Variants in C8orf74 observed in about 807,000 individuals in gnomAD.
C8orf74 encodes the protein uncharacterized protein C8orf74.
Under a neutral mutation model 22.2 loss-of-function variants are expected in C8orf74, and 29 were observed. The ratio of observed to expected loss-of-function variants is 1.31; its 90% CI spans 0.97 to 1.78. The LOEUF (loss-of-function observed/expected upper bound fraction) is 1.78. C8orf74 is among the 40% of genes most tolerant of loss of function. The pLI is 0.00. For synonymous variants in C8orf74, 255 were observed against 163.1 expected, an observed-to-expected ratio of 1.56 and a Z score of -4.30; for missense variants, 515 against 369.9, an observed-to-expected ratio of 1.39 and a Z score of -3.22.
intron 3 of C8orf74, among the ~76,000 whole-genome samples, chr8:10,699,526 G>A: frequency 6.6e-6 from 1 of 152,242 alleles, no homozygotes. Flanking sequence ...TATGCTGTGT[G>A]GTTGCTCGGG....
intron 1 of C8orf74, 77 bp downstream of exon 1, chr8:10,672,790 G>T: frequency 1.5e-6 from 2 of 1,357,344 alleles, no homozygotes; most frequent in Non-Finnish European, 2.1e-6. Flanking sequence ...CACTGGAAGC[G>T]CCTCTTCAGG....
intron 2 of C8orf74, among the ~76,000 whole-genome samples, chr8:10,683,711 G>C (rs1799200463): frequency 6.6e-6 from 1 of 152,170 alleles, no homozygotes; most frequent in Non-Finnish European, 1.5e-5. Flanking sequence ...GAGTTGAGAG[G>C]AGCCCCAGAG....
intron 2 of C8orf74, chr8:10,675,733 G>C (rs888939656): frequency 7.9e-5 from 12 of 152,200 alleles, no homozygotes; most frequent in African/African-American, 2.4e-4. Flanking sequence ...TTCCAACAAA[G>C]ACTCATGGCC....
intron 1 of C8orf74, among the ~76,000 whole-genome samples, chr8:10,674,094 C>T (rs1382666346): frequency 4.1e-5 from 6 of 146,994 alleles, no homozygotes; most frequent in East Asian, 2.0e-4. Flanking sequence ...CATGTCATAC[C>T]CTGCAACCCC....
At chr8:10,678,228 C>T (rs947662288) in intron 2 of C8orf74, among the ~76,000 whole-genome samples, 14 of 152,198 alleles carry the variant, frequency 9.2e-5, no homozygotes, top group Non-Finnish European at 1.5e-4. Flanking sequence ...CAAGTCTCAT[C>T]CTTCTGAGCC....
chr8:10,683,762 C>A (rs1799201925), intron 2 of C8orf74, among the ~76,000 whole-genome samples: 1 of 152,194 alleles, frequency 6.6e-6, no homozygotes, highest in Non-Finnish European at 1.5e-5. Context: ...ATCCAGGAAT[C>A]CCGTCTTTCC....
chr8:10,680,073 C>T (rs1039185834), intron 2 of C8orf74: 1 of 152,332 alleles, frequency 6.6e-6, no homozygotes, highest in Non-Finnish European at 1.5e-5. Flanking sequence ...AATGAATAAA[C>T]TAATAAATGA....
At chr8:10,699,376 T>A (rs1563166506) in intron 3 of C8orf74, among the ~76,000 whole-genome samples, 1 of 152,230 alleles carries the variant, frequency 6.6e-6, no homozygotes, top group Non-Finnish European at 1.5e-5. Context: ...TCCCCAATAA[T>A]GTTGTTTTCT....
chr8:10,696,924 C>T (rs1253506367), intron 2 of C8orf74, among the ~76,000 whole-genome samples: 3 of 148,084 alleles, frequency 2.0e-5, no homozygotes, highest in Non-Finnish European at 4.4e-5. Flanking sequence ...CTTTGGGAGG[C>T]CACGGTGGGA....
intron 3 of C8orf74, 123 bp downstream of exon 3, chr8:10,698,128 G>A (rs1799572940): frequency 1.0e-6 from 1 of 972,086 alleles, no homozygotes. Context: ...GATGCAGGGA[G>A]GAATCAAGAG....
intron 2 of C8orf74, among the ~76,000 whole-genome samples, chr8:10,678,504 G>C (rs1021292542): frequency 6.6e-6 from 1 of 152,094 alleles, no homozygotes; most frequent in Non-Finnish European, 1.5e-5. Flanking sequence ...CACGTGCCAG[G>C]GCCCTTTCTC....
chr8:10,680,138 G>C (rs1210692912), intron 2 of C8orf74: 1 of 152,258 alleles, frequency 6.6e-6, no homozygotes, highest in East Asian at 1.9e-4. Flanking sequence ...GAGGCGGCGA[G>C]GGGCTGGTCT....
At chr8:10,695,439 C>T (rs114785262) in intron 2 of C8orf74, among the ~76,000 whole-genome samples, 3,202 of 152,182 alleles carry the variant, frequency 0.021, 110 homozygotes, top group African/African-American at 0.069. Flanking sequence ...GCAGTCCCTC[C>T]TTCCCTCCCC....
intron 1 of C8orf74, chr8:10,673,474 A>G (rs1288322689): frequency 6.6e-6 from 1 of 152,130 alleles, no homozygotes; most frequent in African/African-American, 2.4e-5. Context: ...TACCTCACCA[A>G]GCCCCTTCTT....
chr8:10,700,546 C>G lies in C8orf74; in HGVS notation c.*75C>G. 1.1e-6 allele frequency: 1 copy of G among 876,128 alleles called. No individual in the cohort carries two copies. Among genetic ancestry groups the G allele is most frequent in the Non-Finnish European group, 1.7e-6 (1 of 579,504 alleles). The allele number at this position is 876,128 out of a possible 1,614,324, so 54.3% of individuals were successfully genotyped here. The stretch of plus-strand genomic sequence containing the variant: ...CATGAGCCTTGCGGCACGGTGAGCT[C>G]AGCACCCACAGAGAGACTTCTTGTG... On this transcript the variant is annotated 3_prime_UTR_variant, in exon 4 of 4. Coordinates refer to ENST00000304519, the MANE Select transcript of C8orf74 (RefSeq NM_001040032.2).
In C8orf74 at chr8:10,691,022, C is replaced by T. The variant is rs977341881; in HGVS notation, c.242-6577C>T. On this transcript the variant is annotated intron_variant, in intron 2 of 3. Coordinates refer to ENST00000304519, the MANE Select transcript of C8orf74 (RefSeq NM_001040032.2). ...TTCTCCCTGAGACTTAATCCCTCCA[C>T]TTTCTGAGTCACCAGGAACTTCTCA... The T allele has an allele frequency of 5.0e-5, 22 of 437,750 alleles. No homozygotes were observed. The Middle Eastern group carries it at 2.3e-3, about 46-fold the overall frequency. 27.1% of individuals were successfully genotyped at this position (437,750 alleles called of 1,614,324 possible). A position where few individuals can be genotyped will look rare whatever the true frequency, so the allele number is the denominator to read the frequency against.
At chr8:10,687,505 G>C (rs1799285625) in intron 2 of C8orf74, among the ~76,000 whole-genome samples, 1 of 151,568 alleles carries the variant, frequency 6.6e-6, no homozygotes, top group Non-Finnish European at 1.5e-5. Context: ...ACAGCTACTT[G>C]GGAAGCTGAG....
intron 2 of C8orf74, among the ~76,000 whole-genome samples, chr8:10,685,802 G>A (rs1799250923): frequency 6.6e-6 from 1 of 152,226 alleles, no homozygotes; most frequent in Non-Finnish European, 1.5e-5. Context: ...GGGTAAAGTG[G>A]CTCACGCCTG....
chr8:10,689,405 C>G (rs1158129862), intron 2 of C8orf74: 1 of 152,214 alleles, frequency 6.6e-6, no homozygotes, highest in Non-Finnish European at 1.5e-5. Context: ...ATTGCAAACG[C>G]TCCATGCCTT....
Sources: gnomAD v4.1 joint callset for allele counts (sites outside exome capture counted in the v4.1 genomes callset) on GRCh38, gnomAD v4.1.1 for gene constraint, MANE v1.5 for transcripts, NCBI Gene and HGNC (gene_info 2026-07-23, HGNC 2026-07-21) for gene names.